The following TPD52 variants were observed in gnomAD, a reference collection of about 807,000 sequenced individuals.
TPD52 encodes the protein prostate and colon associated protein.
Under a neutral mutation model 31.3 loss-of-function variants are expected in TPD52, and 17 were observed. The ratio of observed to expected loss-of-function variants is 0.54; its 90% CI spans 0.37 to 0.82. TPD52 has a LOEUF of 0.82. Among genes scored for constraint, TPD52 ranks in the 40% least tolerant of loss-of-function variants. The probability of loss-of-function intolerance (pLI) is 0.00; values close to 1 mark genes in which losing one functional copy is unlikely to be tolerated. For synonymous variants in TPD52, 83 were observed against 89.6 expected, an observed-to-expected ratio of 0.93 and a Z score of 0.42; for missense variants, 212 against 240.1, an observed-to-expected ratio of 0.88 and a Z score of 0.77.
chr8:80,105,477 G>A (rs913365222), intron 1 of TPD52, among the ~76,000 whole-genome samples: 1 of 151,998 alleles, frequency 6.6e-6, no homozygotes, highest in African/African-American at 2.4e-5. Context: ...TTGCTCAATC[G>A]ATCACGACCC....
At chr8:80,086,353 G>A (rs1218980507) in intron 1 of TPD52, among the ~76,000 whole-genome samples, 2 of 151,316 alleles carry the variant, frequency 1.3e-5, no homozygotes, top group South Asian at 2.1e-4. Flanking sequence ...TCCTGACCTC[G>A]TGATCCACCC....
chr8:80,064,355 G>T (rs1812881903), intron 2 of TPD52, 123 bp downstream of exon 2: 1 of 795,950 alleles, frequency 1.3e-6, no homozygotes, highest in Non-Finnish European at 2.1e-6. Context: ...TGCTGGAGAA[G>T]TAAACACATA....
chr8:80,064,677 T>A, intron 1 of TPD52, 84 bp from the exon 2 acceptor site: 1 of 943,054 alleles, frequency 1.1e-6, no homozygotes, highest in Non-Finnish European at 1.7e-6. Flanking sequence ...CTAGCCAGAA[T>A]AAAGCCAATT....
chr8:80,053,438 G>A lies in TPD52; in HGVS notation c.136-8C>T, dbSNP rs897110468. 1 of 1,612,250 alleles carries A rather than the reference G, an allele frequency of 6.2e-7. No individual in the cohort carries two copies. The highest frequency in any genetic ancestry group is 1.3e-5 in the African/African-American group (1 of 74,842). On this transcript the variant is annotated splice_polypyrimidine_tract_variant and splice_region_variant and intron_variant, in intron 2 of 7. Transcript: ENST00000518937. ...CTGGATTTCTTCTTCTACCTATGAG[G>A]AAGGGGTTTGGGGTAAGAATATAGC...
chr8:80,105,677 T>A (rs1807052962), intron 1 of TPD52, among the ~76,000 whole-genome samples: 2 of 150,436 alleles, frequency 1.3e-5, no homozygotes, highest in Non-Finnish European at 2.9e-5. Context: ...ACTTAAGCAA[T>A]CCTCCCGTCT....
At position 80,051,509 on chromosome 8, in the gene TPD52, G is replaced by T; in HGVS notation, c.386+18C>A. 6.2e-7 allele frequency: 1 copy of T among 1,610,232 alleles called. No homozygotes were observed. On this transcript the variant is annotated intron_variant, in intron 4 of 7. Coordinates refer to ENST00000518937, the MANE Select transcript of TPD52 (RefSeq NM_001025253.3). The stretch of plus-strand genomic sequence containing the variant: ...TTTGCGTCAGCTACTTAATGAGCAA[G>T]GAAAAATGAGGACATACTTTACATC...
chr8:80,162,977 G>A (rs780795567), intron 1 of TPD52, among the ~76,000 whole-genome samples: 1 of 151,902 alleles, frequency 6.6e-6, no homozygotes, highest in East Asian at 1.9e-4. Flanking sequence ...GGGAAATAAC[G>A]AGTGTTGATA....
At chr8:80,144,824 A>C (rs1586388863) in intron 1 of TPD52, among the ~76,000 whole-genome samples, 3 of 152,006 alleles carry the variant, frequency 2.0e-5, no homozygotes, top group Non-Finnish European at 2.9e-5. Context: ...AAACTCAAGG[A>C]TTGTCTAAAT....
chr8:80,038,779 C>A (rs1393050009), intron 7 of TPD52, among the ~76,000 whole-genome samples: 2 of 152,178 alleles, frequency 1.3e-5, no homozygotes, highest in Non-Finnish European at 2.9e-5. Context: ...ATCCTTTCTA[C>A]CCCACCCAAC....
At position 80,035,770 on chromosome 8, in the gene TPD52, T is replaced by A. The variant is rs1023133292; in HGVS notation, c.*2346A>T. On this transcript the variant is annotated 3_prime_UTR_variant, in exon 8 of 8. Coordinates refer to ENST00000518937, the MANE Select transcript of TPD52 (RefSeq NM_001025253.3). ...AGAAGGGGATATTTTCTTCTACACTTGAGTCCTTACATCTGTGAGATTTCA... is the reference window on the plus strand; with the variant it reads ...AGAAGGGGATATTTTCTTCTACACTAGAGTCCTTACATCTGTGAGATTTCA... The A allele has an allele frequency of 4.6e-5, 7 of 152,210 alleles. No individual in the cohort carries two copies. Among genetic ancestry groups the A allele is most frequent in the African/African-American group, 1.7e-4 (7 of 41,456 alleles). The allele number at this position is 152,210 out of a possible 1,614,324, so 9.4% of individuals were successfully genotyped here.
chr8:80,152,363 TGA>T (rs1810634433), intron 1 of TPD52, among the ~76,000 whole-genome samples: 1 of 152,092 alleles, frequency 6.6e-6, no homozygotes, highest in Non-Finnish European at 1.5e-5. Flanking sequence ...AAAGGAGGTG[TGA>T]AATGCTGTGA....
intron 7 of TPD52, among the ~76,000 whole-genome samples, chr8:80,040,737 G>A (rs1426322995): frequency 1.3e-5 from 2 of 152,220 alleles, no homozygotes; most frequent in African/African-American, 4.8e-5. Context: ...TAACAATATT[G>A]AGAACTGAAT....
downstream of TPD52, among the ~76,000 whole-genome samples, chr8:80,031,616 G>T (rs1372361303): frequency 6.6e-6 from 1 of 152,140 alleles, no homozygotes; most frequent in Non-Finnish European, 1.5e-5. Flanking sequence ...CCAGCACTTT[G>T]TGAGGTTGAG....
At chr8:80,157,603 T>A (rs893110686) in intron 1 of TPD52, among the ~76,000 whole-genome samples, 1 of 152,152 alleles carries the variant, frequency 6.6e-6, no homozygotes, top group Admixed American at 6.5e-5. Context: ...GCTGCACAAA[T>A]CAGTCCCATA....
intron 2 of TPD52, among the ~76,000 whole-genome samples, chr8:80,058,313 C>T (rs1812120684): frequency 6.6e-6 from 1 of 151,996 alleles, no homozygotes; most frequent in South Asian, 2.1e-4. Flanking sequence ...AACTATTATT[C>T]ATAATAGCAA....
At position 80,064,570 on chromosome 8, in the gene TPD52, G is replaced by T; in HGVS notation, c.43C>A (p.Pro15Thr). The T allele has an allele frequency of 6.2e-7, 1 of 1,613,958 alleles. No homozygotes were observed. Among genetic ancestry groups the T allele is most frequent in the Non-Finnish European group, 8.5e-7 (1 of 1,179,958 alleles). The part of the protein sequence containing the change: ...EQGLLRTDPV[P>T]EEGEDVAATI... ...GCAGCAACATCTTCTCCTTCCTCAG[G>T]GACTGGGTCTGTTCTCAGCAGACCT... Residue 15 changes from proline (P) to threonine (T), a missense_variant, in exon 2 of 8, where the codon CCT (proline) becomes ACT (threonine). By Grantham distance (38) the Pro-to-Thr change is conservative. Coordinates refer to ENST00000518937, the MANE Select transcript of TPD52 (RefSeq NM_001025253.3).
chr8:80,116,989 T>A (rs1807909262), intron 1 of TPD52, among the ~76,000 whole-genome samples: 1 of 152,130 alleles, frequency 6.6e-6, no homozygotes, highest in East Asian at 1.9e-4. Flanking sequence ...AAACTAGGAA[T>A]GTAAAGGAAC....
At chr8:80,143,709 T>C (rs1421527005) in intron 1 of TPD52, among the ~76,000 whole-genome samples, 2 of 152,188 alleles carry the variant, frequency 1.3e-5, no homozygotes, top group Non-Finnish European at 2.9e-5. Context: ...TTCTAGAACT[T>C]AGTATCACAT....
At chr8:80,136,222 G>A (rs1809399169) in intron 1 of TPD52, among the ~76,000 whole-genome samples, 1 of 134,090 alleles carries the variant, frequency 7.5e-6, no homozygotes, top group Non-Finnish European at 1.6e-5. Context: ...TTAAACAAAA[G>A]TTGACATTTA....
Sources: allele counts gnomAD v4.1 joint callset (sites outside exome capture counted in the v4.1 genomes callset), GRCh38; gene constraint gnomAD v4.1.1; transcripts MANE v1.5; gene names NCBI Gene and HGNC (gene_info 2026-07-23, HGNC 2026-07-21).